The following COX7B2 variants were observed in gnomAD, a reference collection of about 807,000 sequenced individuals.
The protein encoded by COX7B2 is cytochrome c oxidase subunit 7B2, mitochondrial.
For missense variants in COX7B2, 109 were observed against 95.9 expected, an observed-to-expected ratio of 1.14 and a Z score of -0.57; for synonymous variants, 37 against 32.1, an observed-to-expected ratio of 1.15 and a Z score of -0.51.
intron 2 of COX7B2, among the ~76,000 whole-genome samples, chr4:46,807,629 CT>C (rs1459900103): frequency 2.0e-5 from 3 of 151,634 alleles, no homozygotes. Context: ...CTTCCAGGAG[CT>C]TTATGGTTTT....
At chr4:46,744,766 G>T (rs542761724) in intron 2 of COX7B2, among the ~76,000 whole-genome samples, 1 of 135,130 alleles carries the variant, frequency 7.4e-6, no homozygotes, top group Non-Finnish European at 1.6e-5. Context: ...TTTGGGAGAC[G>T]GAGTCTCTCT....
intron 1 of COX7B2, among the ~76,000 whole-genome samples, chr4:46,905,990 C>T (rs551214814): frequency 1.1e-4 from 17 of 150,646 alleles, no homozygotes; most frequent in South Asian, 6.3e-4. Flanking sequence ...CCACCGCGCC[C>T]GGCTAATTTT....
chr4:46,837,289 AC>A (rs1266312879), intron 2 of COX7B2, among the ~76,000 whole-genome samples: 1 of 149,756 alleles, frequency 6.7e-6, no homozygotes, highest in Non-Finnish European at 1.5e-5. Context: ...ACACACACAC[AC>A]ACACACACAC....
At chr4:46,842,709 T>C (rs568337045) in intron 2 of COX7B2, among the ~76,000 whole-genome samples, 241 of 152,252 alleles carry the variant, frequency 1.6e-3, no homozygotes, top group African/African-American at 5.4e-3. Flanking sequence ...GTTTCATCCA[T>C]GTCCCTACAA....
rs114439415 is a variant in COX7B2, at chr4:46,764,749, G to A, written c.-49-29508C>T. 6.9e-3 allele frequency among the ~76,000 whole-genome samples: 1,041 copies of A among 149,844 alleles called. 11 individuals are homozygous for A. The highest frequency in any genetic ancestry group is 0.024 in the African/African-American group (991 of 40,866). ...AAGTGTTATCTACATTAAACTGACC[G>A]TTACAATTATAAAATATTTTATGTA... On this transcript the variant is annotated intron_variant, in intron 2 of 2. Transcript: ENST00000355591.
chr4:46,807,520 T>G (rs561522672), intron 2 of COX7B2, among the ~76,000 whole-genome samples: 2 of 152,070 alleles, frequency 1.3e-5, no homozygotes, highest in East Asian at 3.9e-4. Flanking sequence ...TGATGTAGTC[T>G]CATTTATTTT....
intron 1 of COX7B2, among the ~76,000 whole-genome samples, chr4:46,897,849 A>G (rs916537445): frequency 6.6e-6 from 1 of 152,196 alleles, no homozygotes; most frequent in African/African-American, 2.4e-5. Flanking sequence ...ATGAGAATTT[A>G]TCAGACTTCA....
chr4:46,800,367 T>G (rs1256430273), intron 2 of COX7B2, among the ~76,000 whole-genome samples: 1 of 152,096 alleles, frequency 6.6e-6, no homozygotes, highest in Non-Finnish European at 1.5e-5. Flanking sequence ...AACTTTATAC[T>G]ACAAGGCTAC....
At chr4:46,804,178 A>G (rs1294981858) in intron 2 of COX7B2, among the ~76,000 whole-genome samples, 1 of 152,108 alleles carries the variant, frequency 6.6e-6, no homozygotes, top group Admixed American at 6.5e-5. Flanking sequence ...TGGTCTCACT[A>G]GCTTCAAGAG....
intron 2 of COX7B2, among the ~76,000 whole-genome samples, chr4:46,764,740 A>G (rs1259912375): frequency 6.6e-6 from 1 of 152,038 alleles, no homozygotes; most frequent in Non-Finnish European, 1.5e-5. Context: ...TATCTACATT[A>G]AACTGACCGT....
At chr4:46,740,651 C>T (rs368927742) in intron 2 of COX7B2, among the ~76,000 whole-genome samples, 1 of 151,160 alleles carries the variant, frequency 6.6e-6, no homozygotes, top group Non-Finnish European at 1.5e-5. Context: ...GACAAAAATG[C>T]CAAAAATTTA....
At chr4:46,775,144 T>C (rs1005315396) in intron 2 of COX7B2, among the ~76,000 whole-genome samples, 1 of 152,082 alleles carries the variant, frequency 6.6e-6, no homozygotes, top group African/African-American at 2.4e-5. Flanking sequence ...TATATATCAT[T>C]TGCCAGTCAG....
At chr4:46,890,857 G>A (rs1306162848) in intron 1 of COX7B2, among the ~76,000 whole-genome samples, 1 of 152,188 alleles carries the variant, frequency 6.6e-6, no homozygotes, top group African/African-American at 2.4e-5. Context: ...TAAGTCACTA[G>A]AGAATTTTGC....
chr4:46,878,890 G>A (rs377603948), intron 1 of COX7B2, among the ~76,000 whole-genome samples: 5 of 151,980 alleles, frequency 3.3e-5, no homozygotes, highest in African/African-American at 1.2e-4. Context: ...ACACAGACAC[G>A]CCTAACAAAG....
intron 1 of COX7B2, among the ~76,000 whole-genome samples, chr4:46,880,254 G>A (rs1718622564): frequency 6.6e-6 from 1 of 152,048 alleles, no homozygotes. Flanking sequence ...TTGTGTCTCT[G>A]CCAGGTTTTG....
chr4:46,762,465 A>ATATACTATATATAC (rs1560362376), intron 2 of COX7B2, among the ~76,000 whole-genome samples: 19 of 125,680 alleles, frequency 1.5e-4, no homozygotes, highest in East Asian at 7.2e-4. Flanking sequence ...TATATAGTAT[A>ATATACTATATATAC]TGTACTATAT....
chr4:46,853,800 T>C (rs1351587402), intron 1 of COX7B2, among the ~76,000 whole-genome samples: 11 of 152,132 alleles, frequency 7.2e-5, no homozygotes, highest in African/African-American at 1.2e-4. Flanking sequence ...TTGTGATTAG[T>C]GCTATCTTTT....
chr4:46,827,612 G>C (rs1472798296), intron 2 of COX7B2, among the ~76,000 whole-genome samples: 1 of 152,090 alleles, frequency 6.6e-6, no homozygotes, highest in Non-Finnish European at 1.5e-5. Flanking sequence ...TAAAATATGA[G>C]CTACTCGTAG....
At chr4:46,851,408 T>A (rs1023533218) in intron 1 of COX7B2, among the ~76,000 whole-genome samples, 4 of 152,076 alleles carry the variant, frequency 2.6e-5, no homozygotes, top group African/African-American at 9.7e-5. Context: ...ATTTTAAACA[T>A]TTTATTTTGA....
Sources: allele counts gnomAD v4.1 joint callset (sites outside exome capture counted in the v4.1 genomes callset), GRCh38; gene constraint gnomAD v4.1.1; transcripts MANE v1.5; gene names NCBI Gene and HGNC (gene_info 2026-07-23, HGNC 2026-07-21).